Variants in LRRC66 observed in about 807,000 individuals in gnomAD.
LRRC66 encodes the protein leucine-rich repeat-containing protein 66.
LRRC66 carries 29 observed loss-of-function variants against 24.6 expected under a neutral mutation model. The observed-to-expected ratio is 1.18, with a 90% CI of 0.88 to 1.61. The LOEUF (loss-of-function observed/expected upper bound fraction) is 1.61. LRRC66 is among the 40% of genes most tolerant of loss of function. The pLI, the probability that LRRC66 is intolerant of heterozygous loss-of-function variation, is 0.00. For missense variants in LRRC66, 1,124 were observed against 1,058.0 expected (o/e 1.06, Z -0.87); for synonymous variants, 411 against 397.6 (o/e 1.03, Z -0.40).
chr4:51,994,598 T>A lies in LRRC66; in HGVS notation c.2424A>T (p.Ser808=). The A allele has an allele frequency of 6.2e-7, 1 of 1,614,212 alleles. No individual in the cohort carries two copies. Among genetic ancestry groups the A allele is most frequent in the Non-Finnish European group, 8.5e-7 (1 of 1,180,034 alleles). ...RSEGLSPWPR[S]PGNSPLGDEF... is the part of the protein sequence containing the mutation. ...CATCCCCTAAGGGACTATTCCCTGGTGACCTGGGCCAGGGTGACAGGCCCT... is the reference window on the plus strand; with the variant it reads ...CATCCCCTAAGGGACTATTCCCTGGAGACCTGGGCCAGGGTGACAGGCCCT... Residue 808 remains serine, a synonymous_variant, in exon 5 of 5, where the codon TCA becomes TCT. Coordinates refer to ENST00000682860, the MANE Select transcript of LRRC66 (RefSeq NM_001024611.3).
In LRRC66 at chr4:51,994,176, T is replaced by A. The variant is rs1001226313; in HGVS notation, c.*203A>T. Reference sequence around the variant, plus strand: ...GAGCAGGTTCATCCCCATAGGATGTTAACAAGTGTGTTTAGCTTATAACCC... The same window carrying A: ...GAGCAGGTTCATCCCCATAGGATGTAAACAAGTGTGTTTAGCTTATAACCC... On this transcript the variant is annotated 3_prime_UTR_variant, in exon 5 of 5. Coordinates refer to ENST00000682860, the MANE Select transcript of LRRC66 (RefSeq NM_001024611.3). 5.3e-6 allele frequency: 3 copies of A among 560,814 alleles called. No homozygotes were observed. Among genetic ancestry groups the A allele is most frequent in the Non-Finnish European group, 9.3e-6 (3 of 321,272 alleles). The allele number at this position is 560,814 out of a possible 1,614,324, so 34.7% of individuals were successfully genotyped here.
Position 52,017,450 on chromosome 4 carries a change from G to A in LRRC66, c.164C>T (p.Pro55Leu), listed in dbSNP as rs747618722. The change falls in exon 2 of 5, where the codon CCT becomes CTT. Residue 55 changes from proline to leucine, a missense_variant. Pro to Leu is a moderately conservative substitution (Grantham distance 98). Transcript: ENST00000682860. ...GGCTGCTGTCTGTGATATGTCCACA[G>A]GTATATCACACTTTCCGGTAAAAGA... The part of the protein sequence containing the change: ...NCSFTGKCDI[P>L]VDISQTAATV... The A allele has an allele frequency of 1.2e-6, 2 of 1,614,004 alleles. No individual in the cohort carries two copies. The highest frequency in any genetic ancestry group is 1.7e-6 in the Non-Finnish European group (2 of 1,179,976).
At chr4:52,003,529 C>T (rs1177698488) in intron 2 of LRRC66, 137 bp from the exon 3 acceptor site, 5 of 651,012 alleles carry the variant, frequency 7.7e-6, no homozygotes, top group Non-Finnish European at 1.3e-5. Context: ...TATATTAATA[C>T]TATGAAATAA....
chr4:52,018,261 A>T, intron 1 of LRRC66: 1 of 985,160 alleles, frequency 1.0e-6, no homozygotes, highest in Non-Finnish European at 1.2e-6. Context: ...ATGAAGATGT[A>T]ATACGATACA....
At chr4:51,999,096 C>T (rs370350683) in intron 3 of LRRC66, among the ~76,000 whole-genome samples, 58 of 152,218 alleles carry the variant, frequency 3.8e-4, no homozygotes, top group African/African-American at 1.3e-3. Context: ...AAGGGCTGGG[C>T]TGAGGAGGCC....
chr4:52,014,721 T>C (rs2110203037), intron 2 of LRRC66, among the ~76,000 whole-genome samples: 1 of 152,332 alleles, frequency 6.6e-6, no homozygotes, highest in South Asian at 2.1e-4. Context: ...AAAACTAATA[T>C]GATGATTATG....
At chr4:52,019,978 T>A (rs1009109454) in intron 1 of LRRC66, among the ~76,000 whole-genome samples, 4 of 152,052 alleles carry the variant, frequency 2.6e-5, no homozygotes, top group African/African-American at 9.7e-5. Flanking sequence ...ATTTATAAAT[T>A]TATATGTATT....
intron 2 of LRRC66, among the ~76,000 whole-genome samples, chr4:52,010,950 T>C (rs1317614467): frequency 1.3e-5 from 2 of 152,184 alleles, no homozygotes; most frequent in Non-Finnish European, 2.9e-5. Context: ...AAAATAAAAG[T>C]ACATATTGTA....
chr4:51,997,746 A>T lies in LRRC66; in HGVS notation c.856+2T>A, dbSNP rs749574599. The T allele has an allele frequency of 1.9e-6, 3 of 1,612,504 alleles. No individual in the cohort carries two copies. Among genetic ancestry groups the T allele is most frequent in the Non-Finnish European group, 2.5e-6 (3 of 1,178,838 alleles). On this transcript the variant is annotated splice_donor_variant, in intron 4 of 4. Transcript: ENST00000682860. LOFTEE classifies it high-confidence loss of function. ...CTTTTCAGAGAGACATTACTGACTT[A>T]CCTATAGACCTGTTGCAAATGACAT... is the stretch of plus-strand genomic sequence containing the variant.
At chr4:52,011,004 A>C (rs886788114) in intron 2 of LRRC66, among the ~76,000 whole-genome samples, 16 of 152,234 alleles carry the variant, frequency 1.1e-4, no homozygotes, top group Non-Finnish European at 2.2e-4. Flanking sequence ...GTGAATCTAT[A>C]ATGAAACAGA....
chr4:51,995,582 C>T lies in LRRC66; in HGVS notation c.1440G>A (p.Lys480=). 1 of 1,614,162 alleles carries T rather than the reference C, an allele frequency of 6.2e-7. No homozygotes were observed. The highest frequency in any genetic ancestry group is 8.5e-7 in the Non-Finnish European group (1 of 1,180,028). The change falls in exon 5 of 5, where the codon AAG becomes AAA. Residue 480 remains lysine (K), a synonymous_variant. Coordinates refer to ENST00000682860, the MANE Select transcript of LRRC66 (RefSeq NM_001024611.3). ...IPDRTLGRSR[K]DPGSSQSPGQ... ...CTGGGCTCTGCGAACTGCCAGGATC[C>T]TTTCTGCTCCTTCCCAGAGTTCTAT...
rs773425423 is a variant in LRRC66, at chr4:51,995,645, C to T, written c.1377G>A (p.Trp459Ter). The T allele has an allele frequency of 6.2e-7, 1 of 1,614,036 alleles. No homozygotes were observed. Among genetic ancestry groups the T allele is most frequent in the Non-Finnish European group, 8.5e-7 (1 of 1,180,014 alleles). The change falls in exon 5 of 5, where the codon TGG (tryptophan) becomes TGA (stop). Residue 459 changes from tryptophan to a stop codon, truncating the protein, a stop_gained. Transcript: ENST00000682860. LOFTEE classifies it low-confidence loss of function (END_TRUNC). Reference sequence around the variant, plus strand: ...TGGCGTGTGGGTGTGGCTGTGTCACCCAGAAAGGGGTCTGGTTCTCGTAGA... The same window carrying T: ...TGGCGTGTGGGTGTGGCTGTGTCACTCAGAAAGGGGTCTGGTTCTCGTAGA... ...LSLYENQTPFWVTQPHPHATV... is the reference protein window; with the variant it reads ...LSLYENQTPF
At chr4:52,003,430 T>C in intron 2 of LRRC66, 38 bp from the exon 3 acceptor site, 2 of 1,570,084 alleles carry the variant, frequency 1.3e-6, no homozygotes, top group Non-Finnish European at 8.7e-7. Context: ...TCTAAACTGG[T>C]AAAATTTACT....
intron 2 of LRRC66, among the ~76,000 whole-genome samples, chr4:52,008,217 T>G (rs1333108245): frequency 6.6e-6 from 1 of 152,100 alleles, no homozygotes; most frequent in Admixed American, 6.6e-5. Context: ...CCCTGACTGG[T>G]GGGATGAGAT....
intron 3 of LRRC66, among the ~76,000 whole-genome samples, chr4:51,998,946 G>T (rs1427558914): frequency 6.6e-6 from 1 of 152,190 alleles, no homozygotes; most frequent in Non-Finnish European, 1.5e-5. Flanking sequence ...TACATAGCAG[G>T]TGCTGTGTAA....
intron 2 of LRRC66, among the ~76,000 whole-genome samples, chr4:52,005,308 C>T (rs1051082559): frequency 6.6e-6 from 1 of 152,094 alleles, no homozygotes; most frequent in Non-Finnish European, 1.5e-5. Flanking sequence ...TTATAGAAGA[C>T]TATCATTTCT....
In LRRC66 at chr4:52,017,586, T is replaced by C; in HGVS notation, c.28A>G (p.Thr10Ala). ...GTAAAATAAAGACCTATAACTATGG[T>C]AATGACTCTGAAATAGAGGTTTTTC... Reference protein sequence around the residue: MKNLYFRVITIVIGLYFTGI... With the variant: MKNLYFRVIAIVIGLYFTGI... The change falls in exon 2 of 5, where the codon ACC becomes GCC. Residue 10 changes from threonine to alanine, a missense_variant. Coordinates refer to ENST00000682860, the MANE Select transcript of LRRC66 (RefSeq NM_001024611.3). 1 of 1,587,502 alleles carries C rather than the reference T, an allele frequency of 6.3e-7. No individual in the cohort carries two copies. Among genetic ancestry groups the C allele is most frequent in the Non-Finnish European group, 8.5e-7 (1 of 1,171,760 alleles).
intron 2 of LRRC66, among the ~76,000 whole-genome samples, chr4:52,012,529 G>A (rs925227217): frequency 6.6e-6 from 1 of 152,108 alleles, no homozygotes; most frequent in Non-Finnish European, 1.5e-5. Flanking sequence ...CTCTTGCATG[G>A]TACTTGACTG....
intron 2 of LRRC66, among the ~76,000 whole-genome samples, chr4:52,011,292 T>G (rs537658236): frequency 9.8e-5 from 15 of 152,344 alleles, no homozygotes; most frequent in African/African-American, 3.4e-4. Flanking sequence ...GATCTTATTG[T>G]GGTCAAATTA....
Sources: allele counts gnomAD v4.1 joint callset (sites outside exome capture counted in the v4.1 genomes callset), GRCh38; gene constraint gnomAD v4.1.1; transcripts MANE v1.5; gene names NCBI Gene and HGNC (gene_info 2026-07-23, HGNC 2026-07-21).